HGF: variants seen among roughly 807,000 people sequenced by gnomAD.
HGF encodes the protein hepatocyte growth factor.
In HGF, 39 loss-of-function variants were observed where a neutral mutation model predicts 111.6. The ratio of observed to expected loss-of-function variants is 0.35; its 90% CI spans 0.27 to 0.46. HGF has a LOEUF of 0.46. HGF is among the 20% of genes least tolerant of loss of function. The pLI, the probability that HGF is intolerant of heterozygous loss-of-function variation, is 1.00. For missense variants in HGF, 735 were observed against 910.5 expected (o/e 0.81, Z 2.48); for synonymous variants, 285 against 294.8 (o/e 0.97, Z 0.34).
intron 7 of HGF, among the ~76,000 whole-genome samples, chr7:81,735,386 C>T (rs1787792814): frequency 6.6e-6 from 1 of 151,910 alleles, no homozygotes; most frequent in Non-Finnish European, 1.5e-5. Context: ...AAGATTTTTC[C>T]CTTGAAAAAG....
intron 7 of HGF, chr7:81,742,644 C>T: frequency 2.7e-6 from 3 of 1,117,134 alleles, no homozygotes; most frequent in Non-Finnish European, 3.4e-6. Flanking sequence ...GTGACTTAAC[C>T]ATAGAGGAGA....
intron 10 of HGF, among the ~76,000 whole-genome samples, chr7:81,719,874 T>A (rs1789808421): frequency 6.6e-6 from 1 of 152,174 alleles, no homozygotes; most frequent in Admixed American, 6.5e-5. Flanking sequence ...GCCCTTAAAT[T>A]CCTATCCACA....
intron 11 of HGF, among the ~76,000 whole-genome samples, chr7:81,714,232 A>G (rs1029786592): frequency 3.9e-5 from 6 of 152,100 alleles, no homozygotes; most frequent in Admixed American, 3.9e-4. Context: ...ATTTCCATAA[A>G]TGTCTCCCTT....
chr7:81,712,300 CTT>C (rs555062430), intron 11 of HGF, among the ~76,000 whole-genome samples: 8 of 151,948 alleles, frequency 5.3e-5, no homozygotes, highest in African/African-American at 1.2e-4. Flanking sequence ...TTTCTGAAAA[CTT>C]TTAGTTTTAT....
At chr7:81,728,744 C>T (rs5745696) in intron 8 of HGF, among the ~76,000 whole-genome samples, 12,119 of 152,192 alleles carry the variant, frequency 0.08, 517 homozygotes, top group East Asian at 0.12. Flanking sequence ...TCTCCTATGG[C>T]GGATGGGCCA....
chr7:81,722,837 T>A, intron 9 of HGF, among the ~76,000 whole-genome samples: 1 of 132,602 alleles, frequency 7.5e-6, no homozygotes, highest in African/African-American at 3.8e-5. Flanking sequence ...AAAAAGAAAT[T>A]TAAAAAGGTA....
rs968436942 is a variant in HGF at position 81,699,349 on chromosome 7, G to C, written c.*3232C>G. On this transcript the variant is annotated 3_prime_UTR_variant, in exon 18 of 18. Coordinates refer to ENST00000222390, the MANE Select transcript of HGF (RefSeq NM_000601.6). ...TAGTAAATTCTTAGCTCCAACCTTA[G>C]TTGAATGTTGAATGATAACTTCTTT... 1.3e-5 allele frequency: 2 copies of C among 151,450 alleles called. No homozygotes were observed. Among genetic ancestry groups the C allele is most frequent in the Non-Finnish European group, 3.0e-5 (2 of 67,620 alleles). The allele number at this position is 151,450 out of a possible 1,614,324, so 9.4% of individuals were successfully genotyped here.
At chr7:81,751,517 C>G in intron 5 of HGF, 1 of 982,286 alleles carries the variant, frequency 1.0e-6, no homozygotes, top group Non-Finnish European at 1.2e-6. Context: ...GCCTTCAAGA[C>G]AGTTTGGTGG....
At chr7:81,721,411 TTAAA>T (rs1313366370) in intron 9 of HGF, among the ~76,000 whole-genome samples, 1 of 152,150 alleles carries the variant, frequency 6.6e-6, no homozygotes, top group African/African-American at 2.4e-5. Context: ...ACAAAATAAT[TTAAA>T]TGAGTGGCCC....
intron 2 of HGF, among the ~76,000 whole-genome samples, chr7:81,762,131 C>G (rs1366453878): frequency 1.3e-5 from 2 of 152,164 alleles, no homozygotes; most frequent in African/African-American, 4.8e-5. Context: ...AGACATGAAA[C>G]TCTCCATTTA....
At chr7:81,710,028 C>T in intron 13 of HGF, 119 bp downstream of exon 13, 1 of 736,614 alleles carries the variant, frequency 1.4e-6, no homozygotes. Context: ...CTTTTACTGC[C>T]TCACCCAGGT....
Position 81,720,987 on chromosome 7 carries a change from T to C in HGF, c.1169-140A>G, listed in dbSNP as rs183202776. On this transcript the variant is annotated intron_variant, in intron 9 of 17. Coordinates refer to ENST00000222390, the MANE Select transcript of HGF (RefSeq NM_000601.6). The stretch of plus-strand genomic sequence containing the variant: ...AGGGCTGGGTGCGGTGGCTCACGCC[T>C]GTAATCCCAGCACTTTGGGAGGCCA... 1,222 of 631,808 alleles carry C rather than the reference T, an allele frequency of 1.9e-3. 5 individuals carry two copies. The highest frequency in any genetic ancestry group is 2.9e-3 in the Non-Finnish European group (1,016 of 347,736). The allele number at this position is 631,808 out of a possible 1,614,324, so 39.1% of individuals were successfully genotyped here.
In HGF at chr7:81,743,453, A is replaced by G. The variant is rs1308844591; in HGVS notation, c.765T>C (p.Phe255=). The G allele has an allele frequency of 1.9e-6, 3 of 1,612,550 alleles. No individual in the cohort carries two copies. The highest frequency in any genetic ancestry group is 2.5e-6 in the Non-Finnish European group (3 of 1,178,582). Residue 255 remains phenylalanine (F), a synonymous_variant, in exon 7 of 18, where the codon TTT becomes TTC. Transcript: ENST00000222390. ...CGGGATTGCGGCAATAATTATCATC[A>G]AAGCCCTTGTCGGGATATCTGCAAA... ...FLPERYPDKG[F]DDNYCRNPDG...
intron 14 of HGF, among the ~76,000 whole-genome samples, chr7:81,706,975 A>AC (rs1375373633): frequency 2.3e-5 from 3 of 130,756 alleles, no homozygotes; most frequent in African/African-American, 1.3e-4. Context: ...GACAATTTAG[A>AC]AAAAAAAAAG....
intron 3 of HGF, among the ~76,000 whole-genome samples, chr7:81,758,425 GA>G (rs1265391853): frequency 6.6e-6 from 1 of 151,798 alleles, no homozygotes; most frequent in Non-Finnish European, 1.5e-5. Flanking sequence ...AGTTCTAGGA[GA>G]TGCTCCAAAA....
chr7:81,736,894 G>GGGGTGTGTGTGTGTGTGTGT (rs1554369032), intron 7 of HGF, among the ~76,000 whole-genome samples: 3 of 142,054 alleles, frequency 2.1e-5, no homozygotes, highest in Non-Finnish European at 3.1e-5. Flanking sequence ...TGTGTAGAGG[G>GGGGTGTGTGTGTGTGTGTGT]GTGTGTGTGT....
chr7:81,749,684 T>C (rs1788413010), intron 5 of HGF, among the ~76,000 whole-genome samples: 1 of 152,068 alleles, frequency 6.6e-6, no homozygotes, highest in African/African-American at 2.4e-5. Context: ...ATTCCTCTTA[T>C]CTAACTGGAA....
At chr7:81,769,817 G>A in intron 1 of HGF, 67 bp downstream of exon 1, 1 of 1,183,498 alleles carries the variant, frequency 8.4e-7, no homozygotes, top group Non-Finnish European at 1.2e-6. Context: ...GTGTTAAAAG[G>A]AATAGGGAAG....
At chr7:81,721,795 A>G (rs1354658658) in intron 9 of HGF, among the ~76,000 whole-genome samples, 1 of 152,180 alleles carries the variant, frequency 6.6e-6, no homozygotes, top group Non-Finnish European at 1.5e-5. Context: ...AAGTGGTGCA[A>G]AGGAAAAACT....
Sources: gnomAD v4.1 joint callset for allele counts (sites outside exome capture counted in the v4.1 genomes callset) on GRCh38, gnomAD v4.1.1 for gene constraint, MANE v1.5 for transcripts, NCBI Gene and HGNC (gene_info 2026-07-23, HGNC 2026-07-21) for gene names.